STIM2: variants seen among roughly 807,000 people sequenced by gnomAD.
STIM2 encodes stromal interaction molecule 2.
STIM2 carries 31 observed loss-of-function variants against 85.8 expected under a neutral mutation model. The ratio of observed to expected loss-of-function variants is 0.36; its 90% CI spans 0.27 to 0.49. The LOEUF (loss-of-function observed/expected upper bound fraction) is 0.49. Among genes scored for constraint, STIM2 ranks in the 20% least tolerant of loss-of-function variants. The probability of loss-of-function intolerance (pLI) is 0.98; values close to 1 mark genes in which losing one functional copy is unlikely to be tolerated. For synonymous variants in STIM2, 356 were observed against 331.1 expected (o/e 1.08, Z -0.82); for missense variants, 841 against 927.6 (o/e 0.91, Z 1.21).
intron 3 of STIM2, 106 bp from the exon 4 acceptor site, chr4:26,995,272 TA>T: frequency 1.7e-6 from 1 of 586,598 alleles, no homozygotes; most frequent in Non-Finnish European, 2.9e-6. Context: ...TAATGTTGAT[TA>T]AATTGAAAAT....
At chr4:26,909,578 A>G (rs1724256306) in intron 1 of STIM2, among the ~76,000 whole-genome samples, 2 of 152,248 alleles carry the variant, frequency 1.3e-5, no homozygotes, top group African/African-American at 2.4e-5. Context: ...AACTAACAAC[A>G]ATATTCTCTT....
chr4:26,964,020 C>A (rs1051079398), intron 3 of STIM2, among the ~76,000 whole-genome samples: 5 of 152,140 alleles, frequency 3.3e-5, no homozygotes, highest in African/African-American at 1.2e-4. Flanking sequence ...GAACAGATAT[C>A]TATTACTACT....
intron 3 of STIM2, among the ~76,000 whole-genome samples, chr4:26,988,986 G>T (rs1356936863): frequency 6.6e-6 from 1 of 152,136 alleles, no homozygotes; most frequent in Non-Finnish European, 1.5e-5. Flanking sequence ...CCAGGCTGGG[G>T]TACAGTAGCG....
intron 1 of STIM2, among the ~76,000 whole-genome samples, chr4:26,916,877 T>C (rs547923394): frequency 1.3e-4 from 20 of 152,324 alleles, no homozygotes; most frequent in African/African-American, 4.8e-4. Flanking sequence ...TGATACATTG[T>C]AGGAGTCTAC....
chr4:27,020,605 C>G (rs568684933), intron 11 of STIM2, among the ~76,000 whole-genome samples: 1 of 152,120 alleles, frequency 6.6e-6, no homozygotes, highest in Non-Finnish European at 1.5e-5. Context: ...ATAGAAATGA[C>G]TAAATTCAGC....
In STIM2 at chr4:26,917,568, T is replaced by C. The variant is rs575615496; in HGVS notation, c.152-1936T>C. On this transcript the variant is annotated intron_variant, in intron 1 of 11. Coordinates refer to ENST00000467087, the MANE Select transcript of STIM2 (RefSeq NM_020860.4). ...TTAGCTAGTGTTTATGAAATACGCC[T>C]ATTTAAATAAATAATTACCAATTTT... Among the ~76,000 whole-genome samples the C allele has an allele frequency of 2.7e-4, 39 of 144,950 alleles. 1 individual carries two copies. Among genetic ancestry groups the C allele is most frequent in the African/African-American group, 9.4e-4 (37 of 39,526 alleles).
chr4:26,938,249 A>G (rs1397180370), intron 2 of STIM2, among the ~76,000 whole-genome samples: 1 of 151,720 alleles, frequency 6.6e-6, no homozygotes, highest in African/African-American at 2.4e-5. Flanking sequence ...AAGATTGTGT[A>G]TATGTAAGGT....
chr4:27,011,887 A>C (rs1445564485), intron 10 of STIM2, among the ~76,000 whole-genome samples: 3 of 152,064 alleles, frequency 2.0e-5, no homozygotes, highest in Non-Finnish European at 4.4e-5. Context: ...GCAAATTGTG[A>C]ATCTGATTTG....
chr4:26,875,525 T>C (rs921225931), intron 1 of STIM2, among the ~76,000 whole-genome samples: 7 of 152,178 alleles, frequency 4.6e-5, no homozygotes, highest in Non-Finnish European at 1.0e-4. Flanking sequence ...TCTAGATTAG[T>C]AAAGGAGTAG....
chr4:26,900,404 T>G (rs1723875203), intron 1 of STIM2, among the ~76,000 whole-genome samples: 1 of 152,228 alleles, frequency 6.6e-6, no homozygotes, highest in Admixed American at 6.5e-5. Flanking sequence ...CTTTAGTTTC[T>G]TAAGTTACTA....
chr4:26,954,632 G>A (rs1577460266), intron 2 of STIM2, among the ~76,000 whole-genome samples: 1 of 147,910 alleles, frequency 6.8e-6, no homozygotes, highest in South Asian at 2.1e-4. Context: ...AATGAGGAGG[G>A]GTTTTTAATA....
intron 3 of STIM2, among the ~76,000 whole-genome samples, chr4:26,966,249 G>A (rs1726711916): frequency 6.6e-6 from 1 of 152,004 alleles, no homozygotes; most frequent in South Asian, 2.1e-4. Flanking sequence ...CCTAGTAGTT[G>A]GAAATCAGTT....
chr4:26,876,215 A>T (rs1722810464), intron 1 of STIM2, among the ~76,000 whole-genome samples: 1 of 152,230 alleles, frequency 6.6e-6, no homozygotes. Context: ...ACTATGGATG[A>T]AACCACTTCA....
rs1031795340 is a variant in STIM2 at position 27,024,375 on chromosome 4, G to A, written c.*1379G>A. 1 of 152,208 alleles carries A rather than the reference G, an allele frequency of 6.6e-6. No homozygotes were observed. Among genetic ancestry groups the A allele is most frequent in the Non-Finnish European group, 1.5e-5 (1 of 68,040 alleles). 9.4% of individuals were successfully genotyped at this position (152,208 alleles called of 1,614,324 possible). A position where few individuals can be genotyped will look rare whatever the true frequency, so the allele number is the denominator to read the frequency against. On this transcript the variant is annotated 3_prime_UTR_variant, in exon 12 of 12. Coordinates refer to ENST00000467087, the MANE Select transcript of STIM2 (RefSeq NM_020860.4). ...TCATAAGTGATTTGGTTACTGCAAT[G>A]CAGATGGATGTTTGGATGAACAACT...
rs545370052 is a variant in STIM2 at position 26,930,809 on chromosome 4, A to C, written c.282+11175A>C. ...CATATATTTTTTGCTGAAGTTTTCT[A>C]AGGTTAACTTTTAACTTATGTGTTA... On this transcript the variant is annotated intron_variant, in intron 2 of 11. Coordinates refer to ENST00000467087, the MANE Select transcript of STIM2 (RefSeq NM_020860.4). Among the ~76,000 whole-genome samples the C allele has an allele frequency of 1.4e-3, 218 of 152,320 alleles. 1 individual carries two copies. Among genetic ancestry groups the C allele is most frequent in the Non-Finnish European group, 2.4e-3 (163 of 68,024 alleles).
In STIM2 at chr4:27,014,474, GT is replaced by G. The variant is rs201435716; in HGVS notation, c.1490-3226del. On this transcript the variant is annotated intron_variant, in intron 10 of 11. Transcript: ENST00000467087. ...TTTTAATTTCCAAATATGTATGTAT[GT>G]TTTTTTTTTTGTTGTCTGTTGGGTT... 6.1e-4 allele frequency among the ~76,000 whole-genome samples: 87 copies of G among 142,646 alleles called. No individual in the cohort carries two copies. The East Asian group carries it at 6.5e-3, about 11-fold the overall frequency. The allele number at this position is 142,646 out of a possible 152,430, so 93.6% of individuals were successfully genotyped here.
intron 3 of STIM2, among the ~76,000 whole-genome samples, chr4:26,985,679 T>C (rs1233404445): frequency 1.3e-5 from 2 of 152,220 alleles, no homozygotes; most frequent in African/African-American, 4.8e-5. Flanking sequence ...ACATACTGTT[T>C]GTAACAGTCT....
At chr4:26,999,073 CAT>C (rs1272370886) in intron 4 of STIM2, among the ~76,000 whole-genome samples, 157 bp from the exon 5 acceptor site, 4 of 152,022 alleles carry the variant, frequency 2.6e-5, no homozygotes, top group African/African-American at 7.3e-5. Context: ...GTTTTTGAAA[CAT>C]GTAACAAATT....
chr4:26,955,958 A>G (rs181935756), intron 2 of STIM2, among the ~76,000 whole-genome samples: 1 of 152,276 alleles, frequency 6.6e-6, no homozygotes, highest in Non-Finnish European at 1.5e-5. Flanking sequence ...ATATTATACA[A>G]TTGTTAAAAT....
Sources: gnomAD v4.1 joint callset for allele counts (sites outside exome capture counted in the v4.1 genomes callset) on GRCh38, gnomAD v4.1.1 for gene constraint, MANE v1.5 for transcripts, NCBI Gene and HGNC (gene_info 2026-07-23, HGNC 2026-07-21) for gene names.